SGCZ: variants seen among roughly 807,000 people sequenced by gnomAD.
SGCZ encodes the protein zeta-sarcoglycan.
In SGCZ, 40 loss-of-function variants were observed where a neutral mutation model predicts 41.3. The ratio of observed to expected loss-of-function variants is 0.97; its 90% CI spans 0.75 to 1.26. The LOEUF (loss-of-function observed/expected upper bound fraction) is 1.26, where lower values mean the gene tolerates loss of function less well. SGCZ is among the 50% of genes most tolerant of loss of function. The pLI is 0.00. For synonymous variants in SGCZ, 206 were observed against 137.5 expected, an observed-to-expected ratio of 1.50 and a Z score of -3.49; for missense variants, 552 against 369.8, an observed-to-expected ratio of 1.49 and a Z score of -4.04.
At chr8:14,700,377 CAT>C (rs1172610539) in intron 1 of SGCZ, among the ~76,000 whole-genome samples, 13 of 151,938 alleles carry the variant, frequency 8.6e-5, no homozygotes, top group African/African-American at 2.4e-4. Context: ...TAAAATACCA[CAT>C]GTTATCTATT....
intron 1 of SGCZ, among the ~76,000 whole-genome samples, chr8:15,222,973 A>G (rs1801654304): frequency 6.6e-6 from 1 of 152,216 alleles, no homozygotes; most frequent in African/African-American, 2.4e-5. Context: ...TTTGAGAACC[A>G]CTGTTTTAAT....
chr8:14,260,141 C>T (rs1400727898), intron 3 of SGCZ, among the ~76,000 whole-genome samples: 1 of 151,998 alleles, frequency 6.6e-6, no homozygotes, highest in Non-Finnish European at 1.5e-5. Flanking sequence ...TAAGAAACTA[C>T]CATCAGAGTG....
intron 1 of SGCZ, among the ~76,000 whole-genome samples, chr8:14,560,106 A>T (rs1804162796): frequency 6.6e-6 from 1 of 152,100 alleles, no homozygotes; most frequent in Admixed American, 6.6e-5. Flanking sequence ...TACAAAATAC[A>T]GTTCGATAGA....
At chr8:14,387,023 G>C (rs1350324192) in intron 2 of SGCZ, among the ~76,000 whole-genome samples, 1 of 152,186 alleles carries the variant, frequency 6.6e-6, no homozygotes, top group Non-Finnish European at 1.5e-5. Flanking sequence ...TACTGAGGAA[G>C]GCTATGCTGA....
chr8:14,989,817 C>T (rs1801946895), intron 1 of SGCZ, among the ~76,000 whole-genome samples: 1 of 152,034 alleles, frequency 6.6e-6, no homozygotes, highest in African/African-American at 2.4e-5. Context: ...ACAAAAACAT[C>T]CATATCCATT....
At chr8:15,066,069 G>A (rs1204712870) in intron 1 of SGCZ, among the ~76,000 whole-genome samples, 2 of 152,024 alleles carry the variant, frequency 1.3e-5, no homozygotes, top group South Asian at 2.1e-4. Context: ...AGCACTTTGG[G>A]AGGCCGAGGC....
In SGCZ at chr8:14,664,550, A is replaced by G. The variant is rs574549494; in HGVS notation, c.40-109624T>C. On this transcript the variant is annotated intron_variant, in intron 1 of 7. Coordinates refer to ENST00000382080, the MANE Select transcript of SGCZ (RefSeq NM_139167.4). ...ATTTGAGCAGAGAACAAAACACAAC[A>G]TCATACTTTAAGGAGGACAAGAGCT... is the stretch of plus-strand genomic sequence containing the variant. Among the ~76,000 whole-genome samples, 4 of 152,312 alleles carry G rather than the reference A, an allele frequency of 2.6e-5. No homozygotes were observed. The South Asian group carries it at 8.3e-4, about 32-fold the overall frequency.
intron 1 of SGCZ, among the ~76,000 whole-genome samples, chr8:15,173,394 A>G (rs1287380463): frequency 1.3e-5 from 2 of 152,222 alleles, no homozygotes; most frequent in African/African-American, 4.8e-5. Flanking sequence ...ATGGATGATG[A>G]TAGCACCATT....
At chr8:14,476,447 T>C (rs1801363256) in intron 2 of SGCZ, among the ~76,000 whole-genome samples, 1 of 151,896 alleles carries the variant, frequency 6.6e-6, no homozygotes, top group Non-Finnish European at 1.5e-5. Flanking sequence ...CCCTGAATAA[T>C]ATATATATGT....
At chr8:14,191,018 G>A (rs764832250) in intron 4 of SGCZ, among the ~76,000 whole-genome samples, 1 of 152,100 alleles carries the variant, frequency 6.6e-6, no homozygotes, top group Non-Finnish European at 1.5e-5. Context: ...GTAATGACTC[G>A]TCTTTTTGAT....
At chr8:14,164,531 A>G (rs1027881293) in intron 5 of SGCZ, 49 bp downstream of exon 5, 1 of 1,607,542 alleles carries the variant, frequency 6.2e-7, no homozygotes, top group Non-Finnish European at 8.5e-7. Flanking sequence ...GTGCAGTTGT[A>G]TATTCTTTAA....
At chr8:14,233,912 G>C (rs1401340233) in intron 4 of SGCZ, among the ~76,000 whole-genome samples, 1 of 151,958 alleles carries the variant, frequency 6.6e-6, no homozygotes, top group African/African-American at 2.4e-5. Flanking sequence ...TTGGGATGTT[G>C]TACTTTCTTT....
At chr8:14,469,372 T>C (rs12550051) in intron 2 of SGCZ, among the ~76,000 whole-genome samples, 8,605 of 142,092 alleles carry the variant, frequency 0.061, 368 homozygotes, top group Admixed American at 0.15. Context: ...CTGGTCTACT[T>C]GTTGTCTCAA....
intron 1 of SGCZ, among the ~76,000 whole-genome samples, chr8:14,719,626 G>A (rs1217276384): frequency 6.6e-6 from 1 of 151,936 alleles, no homozygotes; most frequent in Non-Finnish European, 1.5e-5. Context: ...ATTTTTTCAT[G>A]TGTTTTTTGA....
At chr8:15,015,503 C>A (rs534829378) in intron 1 of SGCZ, among the ~76,000 whole-genome samples, 12 of 151,658 alleles carry the variant, frequency 7.9e-5, no homozygotes, top group Admixed American at 3.3e-4. Flanking sequence ...ATGCAGACCA[C>A]GGTGAAACCC....
chr8:15,175,565 C>G lies in SGCZ; in HGVS notation c.39+62020G>C, dbSNP rs375211161. On this transcript the variant is annotated intron_variant, in intron 1 of 7. Coordinates refer to ENST00000382080, the MANE Select transcript of SGCZ (RefSeq NM_139167.4). ...TGGAGGGTAGGAGGAAGGAGAGCAT[C>G]AGGAACAGCAACTAATGAATACAAG... is the stretch of plus-strand genomic sequence containing the variant. 1.2e-4 allele frequency among the ~76,000 whole-genome samples: 19 copies of G among 152,106 alleles called. No individual in the cohort carries two copies. The East Asian group carries it at 3.7e-3, about 30-fold the overall frequency.
intron 4 of SGCZ, among the ~76,000 whole-genome samples, chr8:14,201,509 G>T (rs998538345): frequency 2.0e-5 from 3 of 152,142 alleles, no homozygotes; most frequent in Non-Finnish European, 4.4e-5. Flanking sequence ...ATTGTGCTGA[G>T]TGAAAGAAAC....
At chr8:14,533,642 G>A (rs17247545) in intron 2 of SGCZ, among the ~76,000 whole-genome samples, 33,499 of 151,866 alleles carry the variant, frequency 0.22, 4,647 homozygotes, top group Non-Finnish European at 0.32. Context: ...GGATCAGCCA[G>A]GCTCTTTTCT....
At chr8:14,887,928 G>C (rs1585350995) in intron 1 of SGCZ, among the ~76,000 whole-genome samples, 1 of 152,114 alleles carries the variant, frequency 6.6e-6, no homozygotes, top group African/African-American at 2.4e-5. Context: ...TGGGATCTGA[G>C]GGAAATAGGA....
Sources: gnomAD v4.1 joint callset for allele counts (sites outside exome capture counted in the v4.1 genomes callset) on GRCh38, gnomAD v4.1.1 for gene constraint, MANE v1.5 for transcripts, NCBI Gene and HGNC (gene_info 2026-07-23, HGNC 2026-07-21) for gene names.